Variants in ADGB observed in about 807,000 individuals in gnomAD.
ADGB encodes calpain-7-like protein.
ADGB carries 172 observed loss-of-function variants against 210.5 expected under a neutral mutation model. That is an observed-to-expected ratio of 0.82 (90% CI 0.72 to 0.93). The LOEUF (loss-of-function observed/expected upper bound fraction) is 0.93. Among genes scored for constraint, ADGB ranks in the 40% least tolerant of loss-of-function variants. The pLI, the probability that ADGB is intolerant of heterozygous loss-of-function variation, is 0.00. For missense variants in ADGB, 2,025 were observed against 1,964.8 expected (o/e 1.03, Z -0.58); for synonymous variants, 658 against 662.7 (o/e 0.99, Z 0.11).
At chr6:146,631,974 A>C (rs73787819) in intron 1 of ADGB, among the ~76,000 whole-genome samples, 1,520 of 151,796 alleles carry the variant, frequency 0.01, 31 homozygotes, top group African/African-American at 0.033. Context: ...AAAAAAAAAA[A>C]AAAACAAAAA....
chr6:146,653,852 A>G (rs1775738559), intron 3 of ADGB, among the ~76,000 whole-genome samples: 1 of 152,156 alleles, frequency 6.6e-6, no homozygotes. Context: ...AGCTCTAAGA[A>G]TTATCTTAAG....
intron 7 of ADGB, among the ~76,000 whole-genome samples, chr6:146,671,434 T>A (rs1039391968): frequency 6.6e-6 from 1 of 152,178 alleles, no homozygotes; most frequent in Non-Finnish European, 1.5e-5. Flanking sequence ...AGAGAGAGTC[T>A]TGGTCATTCT....
chr6:146,779,863 T>TA (rs71552960), intron 29 of ADGB, among the ~76,000 whole-genome samples: 111,866 of 146,404 alleles, frequency 0.76, 42,568 homozygotes, highest in Middle Eastern at 0.8. Flanking sequence ...CTTCCAGCTA[T>TA]AAAAAAAAAA....
At chr6:146,741,091 G>A in intron 24 of ADGB, 27 bp from the exon 25 acceptor site, 1 of 1,459,134 alleles carries the variant, frequency 6.9e-7, no homozygotes, top group Non-Finnish European at 9.0e-7. Flanking sequence ...TCACATCAAG[G>A]GAAAGTTCAT....
rs187448569 is a variant in ADGB, at chr6:146,807,512, C to T, written c.4818+5501C>T. The stretch of plus-strand genomic sequence containing the variant: ...TGGAAGCTCTCTCTGCTCAGGAAGC[C>T]GCCATGAAGCTGGAGACAGAAAAGA... On this transcript the variant is annotated intron_variant, in intron 35 of 35. Coordinates refer to ENST00000397944, the MANE Select transcript of ADGB (RefSeq NM_024694.4). 97 of 1,551,346 alleles carry T rather than the reference C, an allele frequency of 6.3e-5. No homozygotes were observed. The African/African-American group carries it at 7.7e-4, about 12-fold the overall frequency.
At position 146,724,198 on chromosome 6, in the gene ADGB, A is replaced by G. The variant is rs1043420451; in HGVS notation, c.2108A>G (p.Asp703Gly). The change falls in exon 18 of 36, where the codon GAC becomes GGC. Residue 703 changes from aspartate (D) to glycine (G), a missense_variant. Asp to Gly is a moderately conservative substitution (Grantham distance 94). Transcript: ENST00000397944. ...ACTTATCTTAAAGCCTTAACAAAAG[A>G]CAGTCCTCCCATAGAGCCTGGACTT... ...RWGEYGALTK[D>G]SPPIEPGLLT... The G allele has an allele frequency of 6.5e-7, 1 of 1,547,446 alleles. No individual in the cohort carries two copies. The highest frequency in any genetic ancestry group is 2.4e-5 in the East Asian group (1 of 40,824).
chr6:146,618,973 T>C (rs776741105), intron 1 of ADGB, among the ~76,000 whole-genome samples: 5 of 150,722 alleles, frequency 3.3e-5, no homozygotes, highest in Non-Finnish European at 5.9e-5. Context: ...CTATTACTCT[T>C]GTATTGCTGT....
chr6:146,733,811 G>A (rs1777038859), intron 21 of ADGB, 82 bp from the exon 22 acceptor site: 2 of 1,430,608 alleles, frequency 1.4e-6, no homozygotes, highest in Non-Finnish European at 9.6e-7. Context: ...TATGTTGGAG[G>A]GCTTTGGCAG....
chr6:146,768,200 C>T (rs1202536124), intron 28 of ADGB, among the ~76,000 whole-genome samples: 1 of 152,144 alleles, frequency 6.6e-6, no homozygotes, highest in African/African-American at 2.4e-5. Context: ...AAATTCAATG[C>T]AATCCCAATC....
chr6:146,601,935 CCTT>C (rs757367390), intron 1 of ADGB, among the ~76,000 whole-genome samples: 2 of 152,190 alleles, frequency 1.3e-5, no homozygotes, highest in Non-Finnish European at 2.9e-5. Flanking sequence ...GCCCAATTCT[CCTT>C]CTCTTTCCTA....
chr6:146,691,411 A>ATATATATATATATATATAT (rs1776305900), intron 11 of ADGB, 121 bp downstream of exon 11: 1 of 98,244 alleles, frequency 1.0e-5, no homozygotes, highest in African/African-American at 1.2e-4. Context: ...GCCTATGTTT[A>ATATATATATATATATATAT]ATATATATAT....
chr6:146,678,273 C>G (rs1160644867), intron 9 of ADGB, among the ~76,000 whole-genome samples: 2 of 152,178 alleles, frequency 1.3e-5, no homozygotes, highest in Non-Finnish European at 1.5e-5. Flanking sequence ...GTCGCCCAGG[C>G]TGGAGTGCAG....
Position 146,725,798 on chromosome 6 carries a change from C to T in ADGB, c.2238-285C>T, listed in dbSNP as rs1044373836. 5.6e-5 allele frequency: 14 copies of T among 249,138 alleles called. No individual in the cohort carries two copies. The East Asian group carries it at 9.8e-4, about 17-fold the overall frequency. 15.4% of individuals were successfully genotyped at this position (249,138 alleles called of 1,614,324 possible). ...GAGAAATCAAGACTAGTCTTCACACCATGACTGCAGTGTGTGGGAGGTCAC... is the reference window on the plus strand; with the variant it reads ...GAGAAATCAAGACTAGTCTTCACACTATGACTGCAGTGTGTGGGAGGTCAC... On this transcript the variant is annotated intron_variant, in intron 18 of 35. Transcript: ENST00000397944.
rs147914419 is a variant in ADGB, at chr6:146,667,810, G to A, written c.839+908G>A. Among the ~76,000 whole-genome samples the A allele has an allele frequency of 1.8e-3, 280 of 151,906 alleles. 1 individual carries two copies. Among genetic ancestry groups the A allele is most frequent in the African/African-American group, 6.6e-3 (275 of 41,450 alleles). Reference sequence around the variant, plus strand: ...CAAGTATTTTAGTATATTACTTCTCGTTTAAAAATCACAGTCCTGAAAGGA... The same window carrying A: ...CAAGTATTTTAGTATATTACTTCTCATTTAAAAATCACAGTCCTGAAAGGA... On this transcript the variant is annotated intron_variant, in intron 7 of 35. Coordinates refer to ENST00000397944, the MANE Select transcript of ADGB (RefSeq NM_024694.4).
intron 33 of ADGB, among the ~76,000 whole-genome samples, chr6:146,788,917 C>G (rs259396): frequency 0.69 from 105,149 of 152,102 alleles, 37,543 homozygotes; most frequent in African/African-American, 0.87. Context: ...ACATACACTT[C>G]TCGTTAAACA....
rs143696945 is a variant in ADGB, at chr6:146,765,624, C to A, written c.3750+1524C>A. ...AATATATTAAATATACTAAATAATT[C>A]TTTAGTTTAAAAGAATATTAGAAAA... On this transcript the variant is annotated intron_variant, in intron 28 of 35. Transcript: ENST00000397944. Among the ~76,000 whole-genome samples, 250 of 150,724 alleles carry A rather than the reference C, an allele frequency of 1.7e-3. 2 individuals are homozygous for A. The highest frequency in any genetic ancestry group is 0.015 in the Admixed American group (233 of 15,132).
At chr6:146,814,716 T>C (rs1261729904) in intron 35 of ADGB, among the ~76,000 whole-genome samples, 7 of 152,148 alleles carry the variant, frequency 4.6e-5, no homozygotes, top group Non-Finnish European at 7.4e-5. Flanking sequence ...GCAAGAGACA[T>C]TGGGCTTATT....
Position 146,815,105 on chromosome 6 carries a change from A to G in ADGB, c.4892A>G (p.Glu1631Gly). The part of the protein sequence containing the change: ...EEYRNKLLEA[E>G]HLKLETLAAQ... ...TACAGAAACAAATTGCTGGAAGCTG[A>G]GCACCTAAAGCTGGAAACTCTGGCT... The change falls in exon 36 of 36, where the codon GAG (glutamate) becomes GGG (glycine). Residue 1631 changes from glutamate to glycine, a missense_variant. Transcript: ENST00000397944. 2.6e-6 allele frequency: 4 copies of G among 1,549,086 alleles called. No individual in the cohort carries two copies. Among genetic ancestry groups the G allele is most frequent in the Non-Finnish European group, 3.5e-6 (4 of 1,146,350 alleles).
intron 27 of ADGB, among the ~76,000 whole-genome samples, chr6:146,763,331 A>T (rs11155488): frequency 6.6e-6 from 1 of 152,072 alleles, no homozygotes; most frequent in East Asian, 1.9e-4. Context: ...TCCCTGTGTC[A>T]GTCACTTATG....
Sources: allele counts gnomAD v4.1 joint callset (sites outside exome capture counted in the v4.1 genomes callset), GRCh38; gene constraint gnomAD v4.1.1; transcripts MANE v1.5; gene names NCBI Gene and HGNC (gene_info 2026-07-23, HGNC 2026-07-21).